Variants in PRKN observed in about 807,000 individuals in gnomAD.
PRKN encodes parkin RBR E3 ubiquitin protein ligase.
A neutral mutation model predicts 59.5 loss-of-function variants in PRKN; 56 were observed. The observed-to-expected ratio is 0.94, with a 90% CI of 0.76 to 1.18. PRKN has a LOEUF of 1.18. Among genes scored for constraint, PRKN ranks in the 50% most tolerant of loss-of-function variants. The pLI is 0.00. For missense variants in PRKN, 657 were observed against 596.4 expected (o/e 1.10, Z -1.06); for synonymous variants, 250 against 222.1 (o/e 1.13, Z -1.12).
intron 2 of PRKN, among the ~76,000 whole-genome samples, chr6:162,292,658 G>C (rs1465136367): frequency 6.6e-6 from 1 of 152,150 alleles, no homozygotes; most frequent in Non-Finnish European, 1.5e-5. Flanking sequence ...GAGGAAGGTG[G>C]ATACCCACAG....
chr6:162,007,601 T>C (rs1426604640), intron 5 of PRKN, among the ~76,000 whole-genome samples: 3 of 152,182 alleles, frequency 2.0e-5, no homozygotes, highest in East Asian at 1.9e-4. Flanking sequence ...TTAAGTTTTA[T>C]AGCAGAGCTG....
intron 2 of PRKN, among the ~76,000 whole-genome samples, chr6:162,285,204 T>A (rs925847980): frequency 6.6e-6 from 1 of 151,502 alleles, no homozygotes; most frequent in Admixed American, 6.6e-5. Context: ...AACATTTTAC[T>A]GGTCCCTCTC....
At chr6:162,582,789 T>C (rs952300830) in intron 1 of PRKN, among the ~76,000 whole-genome samples, 8 of 152,220 alleles carry the variant, frequency 5.3e-5, no homozygotes, top group Non-Finnish European at 7.3e-5. Context: ...CTTACATGTC[T>C]CTGAATTATA....
intron 3 of PRKN, among the ~76,000 whole-genome samples, chr6:162,233,695 G>A (rs1244534720): frequency 6.6e-6 from 1 of 152,192 alleles, no homozygotes; most frequent in African/African-American, 2.4e-5. Context: ...GATTTCATGT[G>A]GTTAGAAACT....
intron 9 of PRKN, among the ~76,000 whole-genome samples, chr6:161,406,490 A>G (rs571988617): frequency 1.3e-5 from 2 of 152,220 alleles, no homozygotes; most frequent in Admixed American, 1.3e-4. Flanking sequence ...CTTGATAGGA[A>G]CTTCCTATTT....
intron 1 of PRKN, among the ~76,000 whole-genome samples, chr6:162,494,545 C>G (rs1175669007): frequency 6.6e-6 from 1 of 152,172 alleles, no homozygotes; most frequent in Non-Finnish European, 1.5e-5. Context: ...GCTTGATCAG[C>G]CCTCACAATT....
chr6:162,216,406 T>C (rs1461656767), intron 3 of PRKN, among the ~76,000 whole-genome samples: 1 of 151,048 alleles, frequency 6.6e-6, no homozygotes, highest in Non-Finnish European at 1.5e-5. Flanking sequence ...GGCGGGCGCC[T>C]GTAGTCCCAG....
chr6:161,718,565 G>T (rs1787085409), intron 7 of PRKN, among the ~76,000 whole-genome samples: 1 of 146,848 alleles, frequency 6.8e-6, no homozygotes, highest in Non-Finnish European at 1.5e-5. Context: ...GCTGGGCAAA[G>T]GTGTGGCCTT....
chr6:162,432,267 C>T (rs1026936050), intron 2 of PRKN, among the ~76,000 whole-genome samples: 15 of 152,202 alleles, frequency 9.9e-5, no homozygotes, highest in African/African-American at 3.6e-4. Context: ...GTGGCTCATG[C>T]CTGTAATCTC....
chr6:162,497,116 C>T (rs1462934303), intron 1 of PRKN, among the ~76,000 whole-genome samples: 1 of 152,140 alleles, frequency 6.6e-6, no homozygotes, highest in Admixed American at 6.6e-5. Flanking sequence ...TAACTCAGTT[C>T]ATATATCAAC....
At position 161,708,461 on chromosome 6, in the gene PRKN, G is replaced by GA. The variant is rs67537331; in HGVS notation, c.871+77310dup. Among the ~76,000 whole-genome samples the GA allele has an allele frequency of 1.2e-3, 146 of 124,744 alleles. 1 individual carries two copies. Among genetic ancestry groups the GA allele is most frequent in the Middle Eastern group, 4.2e-3 (1 of 240 alleles). The allele number at this position is 124,744 out of a possible 152,430, so 81.8% of individuals were successfully genotyped here. On this transcript the variant is annotated intron_variant, in intron 7 of 11. Coordinates refer to ENST00000366898, the MANE Select transcript of PRKN (RefSeq NM_004562.3). ...GGTTCTGTAGATTTGGTTGATTTCA[G>GA]AAAAAAAAAAAAAAAAAGGAGAAAC...
At chr6:162,210,081 A>C (rs906671904) in intron 3 of PRKN, among the ~76,000 whole-genome samples, 6 of 149,594 alleles carry the variant, frequency 4.0e-5, no homozygotes, top group African/African-American at 1.5e-4. Flanking sequence ...GTGCACATGC[A>C]CCCTATAACT....
chr6:161,732,528 G>A (rs925309774), intron 7 of PRKN, among the ~76,000 whole-genome samples: 10 of 150,660 alleles, frequency 6.6e-5, no homozygotes, highest in African/African-American at 2.2e-4. Flanking sequence ...TTATATTTCC[G>A]AAAGCCTTTA....
chr6:161,644,245 G>A (rs1431018848), intron 7 of PRKN, among the ~76,000 whole-genome samples: 1 of 152,114 alleles, frequency 6.6e-6, no homozygotes, highest in Non-Finnish European at 1.5e-5. Flanking sequence ...AGACTGTTGG[G>A]TGCAAAGTTA....
At chr6:161,650,334 C>A (rs1784106360) in intron 7 of PRKN, among the ~76,000 whole-genome samples, 1 of 152,140 alleles carries the variant, frequency 6.6e-6, no homozygotes, top group Non-Finnish European at 1.5e-5. Context: ...ATAAGGAATT[C>A]TCTTTCCAGA....
At chr6:162,628,488 T>C (rs888025727) in intron 1 of PRKN, among the ~76,000 whole-genome samples, 1 of 152,112 alleles carries the variant, frequency 6.6e-6, no homozygotes, top group African/African-American at 2.4e-5. Context: ...CCCTAATCCA[T>C]AGTCAGGAAA....
At position 161,503,184 on chromosome 6, in the gene PRKN, G is replaced by C. The variant is rs1028007703; in HGVS notation, c.1083+45670C>G. Among the ~76,000 whole-genome samples the C allele has an allele frequency of 6.6e-6, 1 of 152,110 alleles. No homozygotes were observed. Among genetic ancestry groups the C allele is most frequent in the African/African-American group, 2.4e-5 (1 of 41,416 alleles). On this transcript the variant is annotated intron_variant, in intron 9 of 11. Coordinates refer to ENST00000366898, the MANE Select transcript of PRKN (RefSeq NM_004562.3). The surrounding 1 kb of genome is among the most constrained non-coding windows in gnomAD (Gnocchi z 5.1). ...AGAGGGAGGAGATGGGATCTGGAAG[G>C]CCTGGGTGCTACTTGTAATACTAGA...
chr6:161,392,032 A>G (rs1786524885), intron 9 of PRKN, among the ~76,000 whole-genome samples: 1 of 151,958 alleles, frequency 6.6e-6, no homozygotes, highest in African/African-American at 2.4e-5. Context: ...GTGTATGTGT[A>G]TGTATATTTG....
rs1789448291 is a variant in PRKN, at chr6:161,445,640, G to GA, written c.1084-58764_1084-58763insT. ...CCCGTGCTGCAGCTGAATGGGATCG[G>GA]TGCAGCATGATAGAGGCCAGCTGCC... On this transcript the variant is annotated intron_variant, in intron 9 of 11. Transcript: ENST00000366898. The surrounding 1 kb of genome is among the most constrained non-coding windows in gnomAD (Gnocchi z 7.7). Among the ~76,000 whole-genome samples, 2 of 152,202 alleles carry GA rather than the reference G, an allele frequency of 1.3e-5. No homozygotes were observed. The highest frequency in any genetic ancestry group is 4.8e-5 in the African/African-American group (2 of 41,448).
Sources: gnomAD v4.1 joint callset for allele counts (sites outside exome capture counted in the v4.1 genomes callset) on GRCh38, gnomAD v4.1.1 for gene constraint, Gnocchi (gnomAD v3.1) non-coding constraint, MANE v1.5 for transcripts, NCBI Gene and HGNC (gene_info 2026-07-23, HGNC 2026-07-21) for gene names.